Variants in ASTN2 observed in about 807,000 individuals in gnomAD.
ASTN2 encodes the protein astrotactin 2.
A neutral mutation model predicts 139.8 loss-of-function variants in ASTN2; 54 were observed. The observed-to-expected ratio is 0.39, with a 90% CI of 0.31 to 0.48. ASTN2 has a LOEUF of 0.48. ASTN2 is among the 20% of genes least tolerant of loss of function. The probability of loss-of-function intolerance (pLI) is 0.95; values close to 1 mark genes in which losing one functional copy is unlikely to be tolerated. For missense variants in ASTN2, 1,565 were observed against 1,725.1 expected, an observed-to-expected ratio of 0.91 and a Z score of 1.64; for synonymous variants, 756 against 719.5, an observed-to-expected ratio of 1.05 and a Z score of -0.81.
intron 6 of ASTN2, among the ~76,000 whole-genome samples, chr9:117,024,314 T>G (rs1837986165): frequency 6.6e-6 from 1 of 152,178 alleles, no homozygotes; most frequent in Admixed American, 6.5e-5. Context: ...TCAAATCTTG[T>G]GACGTAATTT....
At chr9:116,822,602 C>G (rs903264661) in intron 11 of ASTN2, among the ~76,000 whole-genome samples, 1 of 152,152 alleles carries the variant, frequency 6.6e-6, no homozygotes, top group Non-Finnish European at 1.5e-5. Flanking sequence ...CAGGAGACAC[C>G]TGGGCAGGGT....
intron 19 of ASTN2, among the ~76,000 whole-genome samples, chr9:116,520,376 A>G (rs1385992572): frequency 1.3e-5 from 2 of 152,164 alleles, no homozygotes; most frequent in Non-Finnish European, 2.9e-5. Context: ...GATAGACCAC[A>G]TAAACATAAT....
At chr9:116,790,196 G>A (rs1222317017) in intron 13 of ASTN2, among the ~76,000 whole-genome samples, 1 of 152,074 alleles carries the variant, frequency 6.6e-6, no homozygotes, top group Non-Finnish European at 1.5e-5. Flanking sequence ...AAAGTGCTGG[G>A]ATTGCAGGCG....
chr9:117,267,889 A>T (rs1833971477), intron 2 of ASTN2, among the ~76,000 whole-genome samples: 2 of 152,196 alleles, frequency 1.3e-5, no homozygotes, highest in South Asian at 2.1e-4. Flanking sequence ...GAGAAACTGA[A>T]GTCCTGCTCC....
chr9:117,167,165 C>T (rs949162006), intron 3 of ASTN2, among the ~76,000 whole-genome samples: 11 of 151,976 alleles, frequency 7.2e-5, no homozygotes, highest in African/African-American at 2.2e-4. Context: ...ATACTTCGAG[C>T]GAAACACACG....
chr9:117,113,620 C>A (rs140844419), intron 4 of ASTN2, among the ~76,000 whole-genome samples: 1 of 152,034 alleles, frequency 6.6e-6, no homozygotes, highest in African/African-American at 2.4e-5. Flanking sequence ...CGCACCATTG[C>A]GCTCCAGCCT....
chr9:116,816,758 A>G (rs1588317142), intron 12 of ASTN2, among the ~76,000 whole-genome samples: 1 of 152,200 alleles, frequency 6.6e-6, no homozygotes, highest in South Asian at 2.1e-4. Context: ...AGGATGATTT[A>G]CTCTGTTTTG....
At chr9:117,140,090 G>C (rs1232497074) in intron 4 of ASTN2, among the ~76,000 whole-genome samples, 1 of 152,120 alleles carries the variant, frequency 6.6e-6, no homozygotes, top group East Asian at 1.9e-4. Flanking sequence ...TGCTTCATAG[G>C]GTTGCTGTGA....
intron 20 of ASTN2, among the ~76,000 whole-genome samples, chr9:116,454,113 A>G (rs1462861264): frequency 2.6e-5 from 4 of 152,216 alleles, no homozygotes; most frequent in African/African-American, 7.2e-5. Context: ...TCTTCCAACA[A>G]GACAAAGGAA....
chr9:117,125,825 GCGGC>G (rs386738011), intron 4 of ASTN2, among the ~76,000 whole-genome samples: 13 of 149,852 alleles, frequency 8.7e-5, no homozygotes, highest in African/African-American at 2.7e-4. Flanking sequence ...TCATTTCATT[GCGGC>G]GGGGGGGGGA....
At chr9:116,620,206 T>C in intron 18 of ASTN2, 104 bp downstream of exon 18, 1 of 1,534,136 alleles carries the variant, frequency 6.5e-7, no homozygotes, top group Non-Finnish European at 8.9e-7. Flanking sequence ...AGGATCTTGT[T>C]AGGCACCTTG....
At chr9:116,945,572 T>G (rs1792355332) in intron 10 of ASTN2, among the ~76,000 whole-genome samples, 1 of 152,150 alleles carries the variant, frequency 6.6e-6, no homozygotes, top group South Asian at 2.1e-4. Context: ...CTTTTCTTCC[T>G]TTCCTTCCTC....
intron 19 of ASTN2, among the ~76,000 whole-genome samples, chr9:116,616,819 C>T (rs1266322150): frequency 1.3e-5 from 2 of 151,504 alleles, no homozygotes; most frequent in African/African-American, 4.9e-5. Flanking sequence ...TACACACCCA[C>T]CCATTCACAG....
chr9:117,407,929 C>T (rs1443384270), intron 1 of ASTN2, among the ~76,000 whole-genome samples: 5 of 152,270 alleles, frequency 3.3e-5, no homozygotes, highest in South Asian at 2.1e-4. Context: ...AATGCTGCTC[C>T]ACCCCAAGGT....
intron 1 of ASTN2, among the ~76,000 whole-genome samples, chr9:117,368,213 G>C (rs935280086): frequency 4.6e-5 from 7 of 152,068 alleles, no homozygotes. Context: ...ATAGCTTCCA[G>C]GGATCTAGAA....
intron 20 of ASTN2, among the ~76,000 whole-genome samples, chr9:116,450,088 G>A (rs1848129253): frequency 1.3e-5 from 2 of 152,170 alleles, no homozygotes; most frequent in Non-Finnish European, 2.9e-5. Flanking sequence ...AATAGTAACT[G>A]CAACAACTAA....
At position 116,435,026 on chromosome 9, in the gene ASTN2, G is replaced by A. The variant is rs551279142; in HGVS notation, c.3782+5583C>T. Among the ~76,000 whole-genome samples, 23 of 152,254 alleles carry A rather than the reference G, an allele frequency of 1.5e-4. No homozygotes were observed. The South Asian group carries it at 4.8e-3, about 32-fold the overall frequency. On this transcript the variant is annotated intron_variant, in intron 22 of 22. Coordinates refer to ENST00000313400, the MANE Select transcript of ASTN2 (RefSeq NM_001365068.1). ...TATATCAGTCCTCAAAGTACTCCTG[G>A]AAAAAACTCTTATCCCTCTAGTCAA...
chr9:116,889,344 T>C (rs1048236207), intron 10 of ASTN2, among the ~76,000 whole-genome samples: 6 of 152,324 alleles, frequency 3.9e-5, no homozygotes, highest in Admixed American at 6.5e-5. Flanking sequence ...CTTTTATTCA[T>C]GTCTCAGGGC....
At chr9:116,842,906 C>T (rs1169573541) in intron 11 of ASTN2, among the ~76,000 whole-genome samples, 7 of 152,052 alleles carry the variant, frequency 4.6e-5, no homozygotes, top group African/African-American at 9.7e-5. Context: ...ATGAAAACCA[C>T]GCCCCTGCTT....
Sources: gnomAD v4.1 joint callset for allele counts (sites outside exome capture counted in the v4.1 genomes callset) on GRCh38, gnomAD v4.1.1 for gene constraint, MANE v1.5 for transcripts, NCBI Gene and HGNC (gene_info 2026-07-23, HGNC 2026-07-21) for gene names.